IARS2: variants seen among roughly 807,000 people sequenced by gnomAD.
IARS2 encodes isoleucyl-tRNA synthetase 2, mitochondrial, also known as isoleucine--tRNA ligase, mitochondrial.
Under a neutral mutation model 126.3 loss-of-function variants are expected in IARS2, and 56 were observed. That is an observed-to-expected ratio of 0.44 (90% CI 0.36 to 0.55). IARS2 has a LOEUF of 0.55. IARS2 is among the 20% of genes least tolerant of loss of function. IARS2 has a pLI of 0.00. For missense variants in IARS2, 1,127 were observed against 1,245.9 expected (o/e 0.90, Z 1.44); for synonymous variants, 407 against 441.1 (o/e 0.92, Z 0.97).
chr1:220,118,585 A>C (rs1449568710), intron 12 of IARS2, among the ~76,000 whole-genome samples: 1 of 152,162 alleles, frequency 6.6e-6, no homozygotes, highest in Non-Finnish European at 1.5e-5. Flanking sequence ...AAATGTAGAA[A>C]CACTGGCTAC....
chr1:220,137,962 G>C lies in IARS2; in HGVS notation c.2094G>C (p.Trp698Cys). Residue 698 changes from tryptophan (W) to cysteine (C), a missense_variant, in exon 17 of 23, where the codon TGG (tryptophan) becomes TGC (cysteine). Coordinates refer to ENST00000366922, the MANE Select transcript of IARS2 (RefSeq NM_018060.4). ...CGTATGGTGCTGATGTCCTTCGCTGGTGGGTAGCTGATTCCAATGTCTTCA... is the reference window on the plus strand; with the variant it reads ...CGTATGGTGCTGATGTCCTTCGCTGCTGGGTAGCTGATTCCAATGTCTTCA... ...EPPYGADVLRWWVADSNVFTE... is the reference protein window; with the variant it reads ...EPPYGADVLRCWVADSNVFTE... The C allele has an allele frequency of 6.2e-7, 1 of 1,614,120 alleles. No homozygotes were observed. The highest frequency in any genetic ancestry group is 8.5e-7 in the Non-Finnish European group (1 of 1,180,012).
At position 220,114,365 on chromosome 1, in the gene IARS2, GT is replaced by G; in HGVS notation, c.1533del (p.Glu512LysfsTer2). On this transcript the variant is annotated frameshift_variant, in exon 12 of 23. Coordinates refer to ENST00000366922, the MANE Select transcript of IARS2 (RefSeq NM_018060.4). LOFTEE classifies it high-confidence loss of function. ...TCCTGGATCAGCACTGAATGGCATG[GT>G]TGAAATGATGGACAGGCGGCCATAT... ...FIPGSALNGMVEMMDRRPYWC... is the reference protein window; with the variant it reads ...FIPGSALNGMXEMMDRRPYWC... 3 of 1,613,994 alleles carry G rather than the reference GT, an allele frequency of 1.9e-6. No homozygotes were observed. The highest frequency in any genetic ancestry group is 2.5e-6 in the Non-Finnish European group (3 of 1,179,870).
chr1:220,142,560 G>C (rs1045712809), intron 20 of IARS2, among the ~76,000 whole-genome samples: 3 of 152,098 alleles, frequency 2.0e-5, no homozygotes, highest in African/African-American at 7.2e-5. Flanking sequence ...CTTTTAGTGA[G>C]TTTTATGTTA....
chr1:220,132,525 CTTT>C (rs1368575100), intron 14 of IARS2, among the ~76,000 whole-genome samples: 2 of 128,956 alleles, frequency 1.6e-5, no homozygotes, highest in Non-Finnish European at 1.6e-5. Flanking sequence ...CTTTCTCTCT[CTTT>C]TTTTTTTTTT....
At chr1:220,106,931 A>G (rs993024237) in intron 9 of IARS2, 130 bp from the exon 10 acceptor site, 37 of 690,108 alleles carry the variant, frequency 5.4e-5, no homozygotes, top group African/African-American at 1.8e-5. Context: ...GCGCCCGGCC[A>G]AGTACCTAGA....
chr1:220,103,890 AT>A (rs1656630011), intron 8 of IARS2, among the ~76,000 whole-genome samples: 2 of 152,208 alleles, frequency 1.3e-5, no homozygotes, highest in African/African-American at 4.8e-5. Context: ...GCATATACTT[AT>A]TTTTCGATAC....
At position 220,107,058 on chromosome 1, in the gene IARS2, T is replaced by C. The variant is rs752747146; in HGVS notation, c.1237-3T>C. On this transcript the variant is annotated splice_region_variant and splice_polypyrimidine_tract_variant and intron_variant, in intron 9 of 22. Coordinates refer to ENST00000366922, the MANE Select transcript of IARS2 (RefSeq NM_018060.4). ...TTTAATTGTTCAAAATGATACTTTA[T>C]AGGATTGTCTAGTGGACGAAGATGG... 3.8e-6 allele frequency: 6 copies of C among 1,578,556 alleles called. No individual in the cohort carries two copies. In the South Asian group the frequency reaches 6.6e-5, roughly 17 times the overall value.
chr1:220,137,717 A>G, intron 16 of IARS2: 1 of 555,440 alleles, frequency 1.8e-6, no homozygotes, highest in South Asian at 2.3e-5. Context: ...AAGATTGCAG[A>G]GCACGCTCTT....
chr1:220,138,208 C>T (rs1657418139), intron 17 of IARS2, among the ~76,000 whole-genome samples, 165 bp downstream of exon 17: 2 of 152,130 alleles, frequency 1.3e-5, no homozygotes, highest in Admixed American at 6.6e-5. Context: ...CATGGTGGCT[C>T]ATGCCTGTAA....
chr1:220,094,223 TG>T lies in IARS2; in HGVS notation c.12del (p.Leu5CysfsTer69). 2 of 1,581,124 alleles carry T rather than the reference TG, an allele frequency of 1.3e-6. No individual in the cohort carries two copies. The highest frequency in any genetic ancestry group is 8.6e-7 in the Non-Finnish European group (1 of 1,164,836). On this transcript the variant is annotated frameshift_variant, in exon 1 of 23. Transcript: ENST00000366922. LOFTEE classifies it high-confidence loss of function. ...TCTCAGGGGTTGCCGGACCATGCGT[TG>T]GGGGCTGCGCCCTCGCGGGCCGGGC... The part of the protein sequence containing the change: MR[W>X]GLRPRGPGAA...
chr1:220,127,102 C>G (rs1414004737), intron 14 of IARS2, among the ~76,000 whole-genome samples: 1 of 152,172 alleles, frequency 6.6e-6, no homozygotes, highest in Non-Finnish European at 1.5e-5. Context: ...CTCCTTTCAA[C>G]CAGTTCATTC....
rs749078677 is a variant in IARS2, at chr1:220,138,026, A to C, written c.2158A>C (p.Arg720=). The C allele has an allele frequency of 6.8e-6, 11 of 1,613,802 alleles. No homozygotes were observed. Among genetic ancestry groups the C allele is most frequent in the Non-Finnish European group, 9.3e-6 (11 of 1,179,790 alleles). ...AIGPSVLNAA[R]DDISKLRNTL... ...TGGCCCATCCGTGCTCAATGCTGCC[A>C]GAGATGATATTAGCAAGGTTAGAAC... The change falls in exon 17 of 23, where the codon AGA becomes CGA. Residue 720 remains arginine, a synonymous_variant. Coordinates refer to ENST00000366922, the MANE Select transcript of IARS2 (RefSeq NM_018060.4).
rs1657643166 is a variant in IARS2 at position 220,147,971 on chromosome 1, T to G, written c.*336T>G. On this transcript the variant is annotated 3_prime_UTR_variant, in exon 23 of 23. Transcript: ENST00000366922. ...ACGGCCAAGCAGAAAATGTTTTATA[T>G]TTTATAAATCATCTTTTGACTCTGT... The G allele has an allele frequency of 5.1e-6, 2 of 394,408 alleles. No homozygotes were observed. Among genetic ancestry groups the G allele is most frequent in the South Asian group, 2.6e-4 (2 of 7,676 alleles). The allele number at this position is 394,408 out of a possible 1,614,324, so 24.4% of individuals were successfully genotyped here.
At chr1:220,094,619 G>A in intron 1 of IARS2, 136 bp downstream of exon 1, 1 of 697,664 alleles carries the variant, frequency 1.4e-6, no homozygotes, top group East Asian at 2.9e-5. Flanking sequence ...GGTGGAATTC[G>A]TCTGCTTCGC....
chr1:220,144,449 A>G, intron 21 of IARS2: 1 of 500,988 alleles, frequency 2.0e-6, no homozygotes, highest in Non-Finnish European at 3.5e-6. Flanking sequence ...TGGTAAGCTC[A>G]ATTTAAATTT....
At chr1:220,109,466 A>G (rs1262993888) in intron 10 of IARS2, among the ~76,000 whole-genome samples, 1 of 152,108 alleles carries the variant, frequency 6.6e-6, no homozygotes, top group Non-Finnish European at 1.5e-5. Context: ...CTGGGTGGCC[A>G]GGGTGCCACC....
chr1:220,112,055 A>G (rs946351977), intron 11 of IARS2, among the ~76,000 whole-genome samples: 10 of 151,774 alleles, frequency 6.6e-5, no homozygotes, highest in African/African-American at 1.9e-4. Flanking sequence ...TCGTATTCCC[A>G]TCACTCAGTT....
At position 220,147,539 on chromosome 1, in the gene IARS2, G is replaced by A. The variant is rs760174834; in HGVS notation, c.2943G>A (p.Pro981=). ...CTTCCTATAAAGTAATTGTCATGCC[G>A]ACTACGAAAGAAAAATGCCCCCGTT... ...EESSYKVIVM[P]TTKEKCPRCW... The change falls in exon 23 of 23, where the codon CCG becomes CCA. Residue 981 remains proline (P), a synonymous_variant. Transcript: ENST00000366922. 1.4e-5 allele frequency: 23 copies of A among 1,613,928 alleles called. No individual in the cohort carries two copies. The highest frequency in any genetic ancestry group is 1.8e-5 in the Non-Finnish European group (21 of 1,179,974).
intron 20 of IARS2, 54 bp from the exon 21 acceptor site, chr1:220,142,890 C>CAT (rs939373132): frequency 7.5e-5 from 95 of 1,270,224 alleles, no homozygotes; most frequent in Non-Finnish European, 9.8e-5. Flanking sequence ...GTTAGAGCTT[C>CAT]ATATACAGTT....
Sources: gnomAD v4.1 joint callset for allele counts (sites outside exome capture counted in the v4.1 genomes callset) on GRCh38, gnomAD v4.1.1 for gene constraint, MANE v1.5 for transcripts, NCBI Gene and HGNC (gene_info 2026-07-23, HGNC 2026-07-21) for gene names.